Variants in PCSK6 observed in about 807,000 individuals in gnomAD.
PCSK6 encodes proprotein convertase subtilisin/kexin type 6.
A neutral mutation model predicts 123.3 loss-of-function variants in PCSK6; 85 were observed. The observed-to-expected ratio is 0.69, with a 90% CI of 0.58 to 0.83. The LOEUF is 0.83. PCSK6 is among the 40% of genes least tolerant of loss of function. PCSK6 has a pLI of 0.00. For missense variants in PCSK6, 1,191 were observed against 1,282.3 expected (o/e 0.93, Z 1.09); for synonymous variants, 508 against 516.0 (o/e 0.98, Z 0.21).
At chr15:101,385,918 T>C (rs189086497) in intron 9 of PCSK6, among the ~76,000 whole-genome samples, 130 of 152,338 alleles carry the variant, frequency 8.5e-4, no homozygotes, top group Admixed American at 1.8e-3. Context: ...TCGGTTAAAT[T>C]GATGCCTACC....
rs144379956 is a variant in PCSK6, at chr15:101,393,736, C to T, written c.997-312G>A. ...AACACAAGCTGCTCTATTCCAGAGC[C>T]ATGCCTGTCATTTCCATCGCAATGG... On this transcript the variant is annotated intron_variant, in intron 7 of 21. Coordinates refer to ENST00000611716, the MANE Select transcript of PCSK6 (RefSeq NM_002570.5). Among the ~76,000 whole-genome samples the T allele has an allele frequency of 1.7e-4, 26 of 152,336 alleles. No homozygotes were observed. The East Asian group carries it at 4.6e-3, about 27-fold the overall frequency.
intron 15 of PCSK6, among the ~76,000 whole-genome samples, chr15:101,329,639 G>A (rs1470017865): frequency 1.3e-5 from 2 of 152,230 alleles, no homozygotes; most frequent in East Asian, 1.9e-4. Flanking sequence ...TCCTGTACCG[G>A]TGGAGCTGCC....
chr15:101,410,931 A>G (rs1022354239), intron 6 of PCSK6, among the ~76,000 whole-genome samples: 1 of 152,236 alleles, frequency 6.6e-6, no homozygotes, highest in Non-Finnish European at 1.5e-5. Flanking sequence ...CTTGGCAACC[A>G]ACAGCAATCG....
At chr15:101,362,551 G>A (rs867142819) in intron 13 of PCSK6, among the ~76,000 whole-genome samples, 1 of 152,184 alleles carries the variant, frequency 6.6e-6, no homozygotes, top group South Asian at 2.1e-4. Flanking sequence ...GGGGCAGCCT[G>A]TGAGGTGGAG....
At chr15:101,480,949 A>G (rs1353297148) in intron 1 of PCSK6, among the ~76,000 whole-genome samples, 2 of 152,198 alleles carry the variant, frequency 1.3e-5, no homozygotes, top group Non-Finnish European at 2.9e-5. Context: ...GTCCCTCACA[A>G]AGACTCATAA....
intron 6 of PCSK6, among the ~76,000 whole-genome samples, chr15:101,425,790 T>C (rs2056236894): frequency 6.6e-6 from 1 of 151,828 alleles, no homozygotes; most frequent in Non-Finnish European, 1.5e-5. Flanking sequence ...AGTTTGGCGA[T>C]GAGTGTAGAG....
chr15:101,342,129 CA>C (rs35083182), intron 13 of PCSK6, among the ~76,000 whole-genome samples: 101 of 51,514 alleles, frequency 2.0e-3, no homozygotes, highest in African/African-American at 3.7e-3. Flanking sequence ...GACCCTGTCT[CA>C]AAAAAAAAAA....
chr15:101,395,235 C>T (rs2042372738), intron 7 of PCSK6, among the ~76,000 whole-genome samples: 1 of 152,188 alleles, frequency 6.6e-6, no homozygotes, highest in Admixed American at 6.5e-5. Context: ...TGGCCAAAAA[C>T]AGTGCTCCCC....
chr15:101,390,758 A>G (rs1454856785), intron 8 of PCSK6, among the ~76,000 whole-genome samples: 1 of 152,252 alleles, frequency 6.6e-6, no homozygotes. Context: ...CGGCCCTGCC[A>G]GCACCTTGGT....
At chr15:101,372,104 T>C (rs2041603644) in intron 11 of PCSK6, among the ~76,000 whole-genome samples, 1 of 152,116 alleles carries the variant, frequency 6.6e-6, no homozygotes, top group African/African-American at 2.4e-5. Flanking sequence ...TCCTGCCAAT[T>C]CCAGGCCATT....
chr15:101,311,527 C>T (rs983955773), intron 20 of PCSK6, among the ~76,000 whole-genome samples: 1 of 152,152 alleles, frequency 6.6e-6, no homozygotes, highest in East Asian at 1.9e-4. Context: ...CGCCATGTTT[C>T]CTATGAAGCC....
intron 8 of PCSK6, among the ~76,000 whole-genome samples, chr15:101,390,041 G>A (rs1180201438): frequency 6.6e-6 from 1 of 152,186 alleles, no homozygotes; most frequent in Non-Finnish European, 1.5e-5. Context: ...ATACCCAGGT[G>A]GCTCAGAGAG....
chr15:101,398,088 C>T lies in PCSK6; in HGVS notation c.996+316G>A, dbSNP rs1190933802. ...AGGCCAGGTGAGCTGCCTTAGACCC[C>T]CGTCACCCACCTGTGTACCCCCTTC... On this transcript the variant is annotated intron_variant, in intron 7 of 21. Transcript: ENST00000611716. The surrounding 1 kb of genome is among the most constrained non-coding windows in gnomAD (Gnocchi z 4.6). Among the ~76,000 whole-genome samples the T allele has an allele frequency of 6.6e-6, 1 of 152,218 alleles. No individual in the cohort carries two copies. Among genetic ancestry groups the T allele is most frequent in the Non-Finnish European group, 1.5e-5 (1 of 68,038 alleles).
chr15:101,467,923 G>A (rs1484129309), intron 1 of PCSK6, among the ~76,000 whole-genome samples: 4 of 152,214 alleles, frequency 2.6e-5, no homozygotes, highest in Non-Finnish European at 4.4e-5. Context: ...TGCAAGGAAC[G>A]CGTAGGTAAT....
intron 13 of PCSK6, among the ~76,000 whole-genome samples, chr15:101,335,101 A>G (rs965795192): frequency 4.6e-5 from 7 of 152,160 alleles, no homozygotes; most frequent in African/African-American, 1.7e-4. Flanking sequence ...CTAGGACTAC[A>G]GGTGTGCACC....
chr15:101,333,821 C>T (rs1206446518), intron 13 of PCSK6, among the ~76,000 whole-genome samples: 2 of 152,170 alleles, frequency 1.3e-5, no homozygotes, highest in Admixed American at 6.5e-5. Flanking sequence ...GAAAGACAGG[C>T]GGGACTGGCC....
At chr15:101,409,905 G>C (rs147287096) in intron 6 of PCSK6, among the ~76,000 whole-genome samples, 1 of 152,336 alleles carries the variant, frequency 6.6e-6, no homozygotes, top group African/African-American at 2.4e-5. Context: ...TCCTCAGCCT[G>C]CATTCTGGGA....
At chr15:101,317,078 A>T (rs920741745) in intron 19 of PCSK6, among the ~76,000 whole-genome samples, 6 of 151,844 alleles carry the variant, frequency 4.0e-5, no homozygotes, top group Non-Finnish European at 8.8e-5. Context: ...AACCTGGCTA[A>T]TTTTTGTATT....
chr15:101,386,272 C>T (rs186963149), intron 9 of PCSK6, among the ~76,000 whole-genome samples: 1 of 152,156 alleles, frequency 6.6e-6, no homozygotes, highest in South Asian at 2.1e-4. Flanking sequence ...AGCTGAAGTA[C>T]CCAGCTGCCC....
Sources: gnomAD v4.1 joint callset for allele counts (sites outside exome capture counted in the v4.1 genomes callset) on GRCh38, gnomAD v4.1.1 for gene constraint, Gnocchi (gnomAD v3.1) non-coding constraint, MANE v1.5 for transcripts, NCBI Gene and HGNC (gene_info 2026-07-23, HGNC 2026-07-21) for gene names.